Variants in AKR1A1 observed in about 807,000 individuals in gnomAD.
AKR1A1 encodes HEL-S-165mP.
In AKR1A1, 26 loss-of-function variants were observed where a neutral mutation model predicts 39.2. The ratio of observed to expected loss-of-function variants is 0.66; its 90% CI spans 0.49 to 0.92. The LOEUF is 0.92. AKR1A1 is among the 40% of genes least tolerant of loss of function. The probability of loss-of-function intolerance (pLI) is 0.00; values close to 1 mark genes in which losing one functional copy is unlikely to be tolerated. For synonymous variants in AKR1A1, 141 were observed against 155.5 expected (o/e 0.91, Z 0.69); for missense variants, 378 against 406.5 (o/e 0.93, Z 0.60).
rs1644392058 is a variant in AKR1A1 at position 45,569,869 on chromosome 1, A to G, written c.913-22A>G. On this transcript the variant is annotated intron_variant, in intron 8 of 8. Coordinates refer to ENST00000351829, the MANE Select transcript of AKR1A1 (RefSeq NM_153326.3). Reference sequence around the variant, plus strand: ...AATGGCAACTCCTGCTGATGGAGTAATCTATCTGTCTCTCTTTCCAGGTGG... The same window carrying G: ...AATGGCAACTCCTGCTGATGGAGTAGTCTATCTGTCTCTCTTTCCAGGTGG... 6 of 1,610,938 alleles carry G rather than the reference A, an allele frequency of 3.7e-6. 1 individual carries two copies. The Admixed American group carries it at 6.7e-5, about 18-fold the overall frequency.
intron 4 of AKR1A1, 115 bp downstream of exon 4, chr1:45,567,135 G>A: frequency 7.2e-7 from 1 of 1,396,042 alleles, no homozygotes; most frequent in Non-Finnish European, 9.7e-7. Context: ...TGCATGCCAA[G>A]CTGAGGAGCT....
Position 45,568,660 on chromosome 1 carries a change from G to C in AKR1A1, c.728G>C (p.Arg243Pro), listed in dbSNP as rs752629197. 1 of 1,613,638 alleles carries C rather than the reference G, an allele frequency of 6.2e-7. No individual in the cohort carries two copies. The highest frequency in any genetic ancestry group is 8.5e-7 in the Non-Finnish European group (1 of 1,179,890). ...CTGGCATTGGCTGAAAAGTATGGCC[G>C]ATCTCCAGCTCAGATCTTGCTCAGG... ...VVLALAEKYGRSPAQILLRWQ... is the reference protein window; with the variant it reads ...VVLALAEKYGPSPAQILLRWQ... Residue 243 changes from arginine to proline, a missense_variant, in exon 6 of 9, where the codon CGA becomes CCA. Transcript: ENST00000351829.
Position 45,566,972 on chromosome 1 carries a change from A to AG in AKR1A1, c.309dup (p.Leu104AlafsTer16). ...CTCCGGAAGACTCTGGCTGACCTCC[A>AG]GCTGGAGTATCTGGACCTGTACCTG... On this transcript the variant is annotated frameshift_variant, in exon 4 of 9. Transcript: ENST00000351829. LOFTEE classifies it high-confidence loss of function. The AG allele has an allele frequency of 6.2e-7, 1 of 1,614,248 alleles. No individual in the cohort carries two copies. The highest frequency in any genetic ancestry group is 2.2e-5 in the East Asian group (1 of 44,886).
intron 1 of AKR1A1, among the ~76,000 whole-genome samples, chr1:45,555,795 C>T: frequency 6.6e-6 from 1 of 152,164 alleles, no homozygotes; most frequent in African/African-American, 2.4e-5. Context: ...AAACCCAGGT[C>T]TGCGTAGCCC....
chr1:45,557,147 G>A (rs1644216190), intron 1 of AKR1A1, among the ~76,000 whole-genome samples: 3 of 152,138 alleles, frequency 2.0e-5, no homozygotes, highest in South Asian at 2.1e-4. Context: ...CCAAGATCGC[G>A]CCATTGCACC....
chr1:45,566,756 C>T, intron 3 of AKR1A1, 68 bp downstream of exon 3: 4 of 1,600,568 alleles, frequency 2.5e-6, no homozygotes, highest in Non-Finnish European at 3.4e-6. Flanking sequence ...GGCTGGGGCC[C>T]AGCTGGAGGG....
rs532609352 is a variant in AKR1A1 at position 45,567,644 on chromosome 1, G to A, written c.357-338G>A. 85 of 172,220 alleles carry A rather than the reference G, an allele frequency of 4.9e-4. 1 individual carries two copies. In the East Asian group the frequency reaches 0.01, roughly 20 times the overall value. 10.7% of individuals were successfully genotyped at this position (172,220 alleles called of 1,614,324 possible). Reference sequence around the variant, plus strand: ...AGATCGAGATCATCCTGGCTAACACGGTGAAACCCCGTCTCTACTAAAAAT... The same window carrying A: ...AGATCGAGATCATCCTGGCTAACACAGTGAAACCCCGTCTCTACTAAAAAT... On this transcript the variant is annotated intron_variant, in intron 4 of 8. Transcript: ENST00000351829.
intron 8 of AKR1A1, 72 bp from the exon 9 acceptor site, chr1:45,569,819 T>G (rs1392763898): frequency 7.2e-7 from 1 of 1,382,490 alleles, no homozygotes; most frequent in Non-Finnish European, 1.0e-6. Flanking sequence ...TAGGAAGATT[T>G]GGGGAAGATG....
At chr1:45,567,867 C>T in intron 4 of AKR1A1, 115 bp from the exon 5 acceptor site, 2 of 868,710 alleles carry the variant, frequency 2.3e-6, no homozygotes. Context: ...TTTAAAAATT[C>T]TTGGCCCTTT....
At chr1:45,554,993 G>A (rs956520731) in intron 1 of AKR1A1, among the ~76,000 whole-genome samples, 3 of 152,026 alleles carry the variant, frequency 2.0e-5, no homozygotes, top group Non-Finnish European at 4.4e-5. Context: ...CACGCAACCA[G>A]ATGTTTTTTT....
chr1:45,569,760 A>G, intron 8 of AKR1A1, 131 bp from the exon 9 acceptor site: 1 of 744,548 alleles, frequency 1.3e-6, no homozygotes, highest in Admixed American at 2.1e-5. Flanking sequence ...GAGGATGGGG[A>G]TCCCAGCCAA....
At chr1:45,557,376 A>G (rs937874953) in intron 1 of AKR1A1, among the ~76,000 whole-genome samples, 1 of 151,894 alleles carries the variant, frequency 6.6e-6, no homozygotes, top group Non-Finnish European at 1.5e-5. Context: ...TCCTAGAGAA[A>G]AACATCTATG....
rs748665533 is a variant in AKR1A1 at position 45,568,961 on chromosome 1, A to C, written c.787A>C (p.Lys263Gln). Residue 263 changes from lysine to glutamine, a missense_variant, in exon 7 of 9, where the codon AAA becomes CAA. Transcript: ENST00000351829. ...CCAGCGGAAAGTGATCTGCATCCCC[A>C]AAAGTATCACTCCTTCTCGAATCCT... ...QVQRKVICIP[K>Q]SITPSRILQN... is the part of the protein sequence containing the mutation. 6 of 1,614,176 alleles carry C rather than the reference A, an allele frequency of 3.7e-6. No individual in the cohort carries two copies. The highest frequency in any genetic ancestry group is 5.1e-6 in the Non-Finnish European group (6 of 1,180,012).
At chr1:45,560,278 G>T (rs921388794) in intron 1 of AKR1A1, among the ~76,000 whole-genome samples, 2 of 152,054 alleles carry the variant, frequency 1.3e-5, no homozygotes, top group Non-Finnish European at 2.9e-5. Context: ...GAGGCACAGC[G>T]CCCGGTCTAA....
At chr1:45,561,585 G>A (rs1644278075) in intron 1 of AKR1A1, among the ~76,000 whole-genome samples, 1 of 152,110 alleles carries the variant, frequency 6.6e-6, no homozygotes, top group African/African-American at 2.4e-5. Context: ...TGTATTTTTA[G>A]TAGAGATGGG....
chr1:45,552,470 G>A (rs543206007), intron 1 of AKR1A1: 2 of 152,202 alleles, frequency 1.3e-5, no homozygotes, highest in South Asian at 2.1e-4. Flanking sequence ...GCCTGCCCAG[G>A]TGCTGAGATT....
intron 1 of AKR1A1, among the ~76,000 whole-genome samples, chr1:45,552,888 G>A (rs1644149231): frequency 6.6e-6 from 1 of 152,098 alleles, no homozygotes; most frequent in Non-Finnish European, 1.5e-5. Context: ...ACTTTGGGAG[G>A]CCAAGGTGGG....
At chr1:45,559,730 G>A (rs1440345413) in intron 1 of AKR1A1, among the ~76,000 whole-genome samples, 3 of 125,050 alleles carry the variant, frequency 2.4e-5, no homozygotes, top group South Asian at 2.8e-4. Context: ...TGCAACCTCC[G>A]CCTCCCGGGT....
chr1:45,563,908 G>A (rs1644308334), intron 2 of AKR1A1, among the ~76,000 whole-genome samples: 1 of 152,208 alleles, frequency 6.6e-6, no homozygotes, highest in South Asian at 2.1e-4. Flanking sequence ...CCCAGCTGAG[G>A]GGAGTCTGGG....
Sources: allele counts gnomAD v4.1 joint callset (sites outside exome capture counted in the v4.1 genomes callset), GRCh38; gene constraint gnomAD v4.1.1; transcripts MANE v1.5; gene names NCBI Gene and HGNC (gene_info 2026-07-23, HGNC 2026-07-21).